The following GALNTL6 variants were observed in gnomAD, a reference collection of about 807,000 sequenced individuals.
GALNTL6 encodes the protein polypeptide N-acetylgalactosaminyltransferase like 6, also known as polypeptide N-acetylgalactosaminyltransferase-like 6.
GALNTL6 carries 46 observed loss-of-function variants against 73.7 expected under a neutral mutation model. The observed-to-expected ratio is 0.62, with a 90% CI of 0.49 to 0.80. The LOEUF is 0.80. Among genes scored for constraint, GALNTL6 ranks in the 30% least tolerant of loss-of-function variants. The pLI is 0.00. For missense variants in GALNTL6, 604 were observed against 755.0 expected, an observed-to-expected ratio of 0.80 and a Z score of 2.34; for synonymous variants, 259 against 263.7, an observed-to-expected ratio of 0.98 and a Z score of 0.17.
chr4:171,845,780 A>G (rs1735353069), intron 2 of GALNTL6, among the ~76,000 whole-genome samples: 1 of 152,204 alleles, frequency 6.6e-6, no homozygotes, highest in Admixed American at 6.5e-5. Flanking sequence ...TTAATAAGGA[A>G]AAAAAATCAC....
intron 2 of GALNTL6, among the ~76,000 whole-genome samples, chr4:172,111,959 T>G (rs1732864066): frequency 6.6e-6 from 1 of 152,052 alleles, no homozygotes; most frequent in Non-Finnish European, 1.5e-5. Context: ...CACATTAGGT[T>G]TCACTCTGGG....
At chr4:172,308,840 T>C (rs907085892) in intron 3 of GALNTL6, among the ~76,000 whole-genome samples, 1 of 152,188 alleles carries the variant, frequency 6.6e-6, no homozygotes, top group African/African-American at 2.4e-5. Context: ...CATTAGTCTC[T>C]CTTTTATTTA....
At chr4:172,242,667 G>T (rs528478742) in intron 3 of GALNTL6, among the ~76,000 whole-genome samples, 1 of 152,246 alleles carries the variant, frequency 6.6e-6, no homozygotes, top group African/African-American at 2.4e-5. Flanking sequence ...TGGTAGGTTT[G>T]AATATCCAAG....
At chr4:172,550,793 T>C (rs767768355) in intron 5 of GALNTL6, among the ~76,000 whole-genome samples, 10 of 152,168 alleles carry the variant, frequency 6.6e-5, no homozygotes, top group Non-Finnish European at 1.5e-4. Flanking sequence ...AATTTACCTT[T>C]ATCTTTAACT....
intron 5 of GALNTL6, among the ~76,000 whole-genome samples, chr4:172,652,259 AT>A (rs935323504): frequency 2.0e-5 from 3 of 152,048 alleles, no homozygotes; most frequent in Admixed American, 6.6e-5. Flanking sequence ...TCATAGTTCC[AT>A]TTTTTTTCCT....
At chr4:172,739,843 A>G (rs752554189) in intron 5 of GALNTL6, among the ~76,000 whole-genome samples, 5 of 152,118 alleles carry the variant, frequency 3.3e-5, no homozygotes, top group African/African-American at 4.8e-5. Context: ...GCTTGTTATA[A>G]TAAGCCTCTC....
chr4:172,632,752 C>G (rs947151562), intron 5 of GALNTL6, among the ~76,000 whole-genome samples: 6 of 152,208 alleles, frequency 3.9e-5, no homozygotes, highest in African/African-American at 1.4e-4. Context: ...ATGGCAGCCC[C>G]TTCCATCACA....
chr4:172,229,168 T>A (rs1348084821), intron 2 of GALNTL6, among the ~76,000 whole-genome samples: 2 of 152,176 alleles, frequency 1.3e-5, no homozygotes, highest in African/African-American at 4.8e-5. Flanking sequence ...TTAAACAAAC[T>A]TCTATACACA....
intron 2 of GALNTL6, among the ~76,000 whole-genome samples, chr4:171,869,681 A>G (rs1193832706): frequency 6.6e-6 from 1 of 152,092 alleles, no homozygotes; most frequent in African/African-American, 2.4e-5. Context: ...CCCAAATCTC[A>G]TCTTGAATTG....
chr4:171,939,103 A>AC (rs397738848), intron 2 of GALNTL6, among the ~76,000 whole-genome samples: 21 of 151,594 alleles, frequency 1.4e-4, no homozygotes, highest in East Asian at 1.9e-4. Context: ...GAAAAAAAAA[A>AC]CAATTAAATC....
At chr4:172,799,834 T>G (rs1283086268) in intron 5 of GALNTL6, among the ~76,000 whole-genome samples, 1 of 152,204 alleles carries the variant, frequency 6.6e-6, no homozygotes, top group Non-Finnish European at 1.5e-5. Context: ...TGTAGCAGCA[T>G]TATCCACAAT....
chr4:172,150,906 T>G (rs1017710349), intron 2 of GALNTL6, among the ~76,000 whole-genome samples: 2 of 152,214 alleles, frequency 1.3e-5, no homozygotes, highest in Non-Finnish European at 2.9e-5. Context: ...TGCAGTTGTG[T>G]ATACTTAAGC....
At chr4:171,894,990 G>A (rs958472359) in intron 2 of GALNTL6, among the ~76,000 whole-genome samples, 1 of 152,210 alleles carries the variant, frequency 6.6e-6, no homozygotes. Context: ...CAACAAAAAT[G>A]TGTGGTGGTG....
At chr4:172,054,261 T>C (rs979286909) in intron 2 of GALNTL6, among the ~76,000 whole-genome samples, 1 of 152,148 alleles carries the variant, frequency 6.6e-6, no homozygotes, top group African/African-American at 2.4e-5. Flanking sequence ...ACAAACATAT[T>C]TTTATAACAG....
At chr4:172,449,099 C>A (rs1732123887) in intron 5 of GALNTL6, among the ~76,000 whole-genome samples, 1 of 152,116 alleles carries the variant, frequency 6.6e-6, no homozygotes, top group Non-Finnish European at 1.5e-5. Context: ...GCACTGGGAT[C>A]CAAACATTTG....
At chr4:172,590,976 G>A (rs1737614768) in intron 5 of GALNTL6, among the ~76,000 whole-genome samples, 1 of 152,126 alleles carries the variant, frequency 6.6e-6, no homozygotes, top group Admixed American at 6.6e-5. Flanking sequence ...AATTAGCAAA[G>A]TACTTTGCAA....
At chr4:172,739,994 A>G (rs757323081) in intron 5 of GALNTL6, among the ~76,000 whole-genome samples, 4 of 151,982 alleles carry the variant, frequency 2.6e-5, no homozygotes, top group Non-Finnish European at 4.4e-5. Flanking sequence ...CAGAGGCACC[A>G]TATCTTACTG....
At chr4:172,716,787 G>A (rs1735129364) in intron 5 of GALNTL6, among the ~76,000 whole-genome samples, 1 of 152,190 alleles carries the variant, frequency 6.6e-6, no homozygotes. Context: ...AGTAGCCATC[G>A]CTACTGGTTT....
intron 7 of GALNTL6, 50 bp downstream of exon 7, chr4:172,813,773 T>C: frequency 7.0e-7 from 1 of 1,436,180 alleles, no homozygotes; most frequent in Non-Finnish European, 9.6e-7. Flanking sequence ...AGGTAACTCA[T>C]TGCAGTGTTA....
Sources: gnomAD v4.1 joint callset for allele counts (sites outside exome capture counted in the v4.1 genomes callset) on GRCh38, gnomAD v4.1.1 for gene constraint, MANE v1.5 for transcripts, NCBI Gene and HGNC (gene_info 2026-07-23, HGNC 2026-07-21) for gene names.